The following CLUH variants were observed in gnomAD, a reference collection of about 807,000 sequenced individuals.
CLUH encodes clustered mitochondria protein homolog.
CLUH carries 77 observed loss-of-function variants against 139.3 expected under a neutral mutation model. The observed-to-expected ratio is 0.55, with a 90% confidence interval of 0.46 to 0.67. CLUH has a LOEUF of 0.67. Among genes scored for constraint, CLUH ranks in the 30% least tolerant of loss-of-function variants. CLUH has a pLI of 0.00. For synonymous variants in CLUH, 999 were observed against 801.6 expected, an observed-to-expected ratio of 1.25 and a Z score of -4.16; for missense variants, 1,876 against 1,875.8, an observed-to-expected ratio of 1.00 and a Z score of 0.00.
At chr17:2,702,234 AACACAC>A (rs369377324) in intron 3 of CLUH, among the ~76,000 whole-genome samples, 177 bp from the exon 4 acceptor site, 16 of 151,120 alleles carry the variant, frequency 1.1e-4, no homozygotes, top group African/African-American at 3.6e-4. Flanking sequence ...TGACACCACA[AACACAC>A]ACACACACAC....
In CLUH at chr17:2,693,141, C is replaced by A. The variant is rs866311190; in HGVS notation, c.3232-281G>T. Among the ~76,000 whole-genome samples the A allele has an allele frequency of 4.6e-3, 342 of 73,722 alleles. No homozygotes were observed. The highest frequency in any genetic ancestry group is 9.4e-3 in the South Asian group (12 of 1,270). The allele number at this position is 73,722 out of a possible 152,430, so 48.4% of individuals were successfully genotyped here. A position where few individuals can be genotyped will look rare whatever the true frequency, so the allele number is the denominator to read the frequency against. On this transcript the variant is annotated intron_variant, in intron 19 of 25. Transcript: ENST00000651024. Reference sequence around the variant, plus strand: ...AAACCTAAAACTACTAAAAATGTTACAAAAAAAAAAAAAAAGCCTGAGCAG... The same window carrying A: ...AAACCTAAAACTACTAAAAATGTTAAAAAAAAAAAAAAAAAGCCTGAGCAG...
At chr17:2,711,946 G>A (rs2070534825), upstream of CLUH, 1 of 152,262 alleles carries the variant, frequency 6.6e-6, no homozygotes, top group South Asian at 2.1e-4. Context: ...CAAGGCCCAG[G>A]GAGGCTGGGC....
chr17:2,692,333 CT>C, intron 22 of CLUH, 27 bp downstream of exon 22: 1 of 1,527,376 alleles, frequency 6.5e-7, no homozygotes, highest in Non-Finnish European at 8.8e-7. Context: ...CTCCGCCGGC[CT>C]TGGCGTTTGG....
At position 2,692,052 on chromosome 17, in the gene CLUH, C is replaced by T. The variant is rs750557640; in HGVS notation, c.3606G>A (p.Arg1202=). 6 of 1,604,270 alleles carry T rather than the reference C, an allele frequency of 3.7e-6. No individual in the cohort carries two copies. The highest frequency in any genetic ancestry group is 2.2e-5 in the South Asian group (2 of 89,840). ...CCTCCTTCTCGTGCTGCAGGGCCGA[C>T]CGGAACTCAGCTTTGCTCTCGTAGA... The part of the protein sequence containing the change: ...ARVYESKAEF[R]SALQHEKEGY... Residue 1202 remains arginine (R), a synonymous_variant, in exon 23 of 26, where the codon CGG becomes CGA. Coordinates refer to ENST00000651024, the MANE Select transcript of CLUH (RefSeq NM_001366661.1).
In CLUH at chr17:2,691,886, C is replaced by G. The variant is rs201361018; in HGVS notation, c.3664G>C (p.Asp1222His). The G allele has an allele frequency of 7.1e-4, 1,089 of 1,537,002 alleles. 3 individuals carry two copies. Among genetic ancestry groups the G allele is most frequent in the Non-Finnish European group, 8.9e-4 (1,021 of 1,143,798 alleles). The change falls in exon 24 of 26, where the codon GAC (aspartate) becomes CAC (histidine). Residue 1222 changes from aspartate to histidine, a missense_variant. Physicochemically the swap from Asp to His is moderately conservative, Grantham distance 81. This residue lies in a region of CLUH where 1,454 missense variants were observed against 1,384.4 expected (regional missense o/e 1.05). Coordinates refer to ENST00000651024, the MANE Select transcript of CLUH (RefSeq NM_001366661.1). ...GAGCTTTCCTTGGTCTTCTCATGGTCCTCGCCCAGCTGCGGGGAGGCGGGA... is the reference window on the plus strand; with the variant it reads ...GAGCTTTCCTTGGTCTTCTCATGGTGCTCGCCCAGCTGCGGGGAGGCGGGA... ...YTIYKTQLGE[D>H]HEKTKESSEY...
Position 2,704,306 on chromosome 17 carries a change from C to A in CLUH, c.303+56G>T. 6.4e-7 allele frequency: 1 copy of A among 1,550,632 alleles called. No homozygotes were observed. The highest frequency in any genetic ancestry group is 8.8e-7 in the Non-Finnish European group (1 of 1,141,730). ...GCACGAGCAAGGCTGAGCTTTCCAG[C>A]TCACCCTCCCCAGCAGGCTCAGGCC... On this transcript the variant is annotated intron_variant, in intron 2 of 25. Coordinates refer to ENST00000651024, the MANE Select transcript of CLUH (RefSeq NM_001366661.1). This position sits in a 1 kb window ranked among gnomAD's most constrained non-coding sequence, Gnocchi z 5.7.
chr17:2,698,650 T>G, intron 9 of CLUH, 60 bp from the exon 10 acceptor site: 1 of 1,454,902 alleles, frequency 6.9e-7, no homozygotes, highest in Non-Finnish European at 9.2e-7. Flanking sequence ...TGCATCCACC[T>G]GGCCAAGCGC....
At chr17:2,697,874 GT>G (rs1407803627) in intron 10 of CLUH, 21 bp downstream of exon 10, 1 of 1,457,208 alleles carries the variant, frequency 6.9e-7, no homozygotes, top group Admixed American at 2.5e-5. Context: ...CCCGGCCCTG[GT>G]CCGGCAGGGC....
Position 2,698,120 on chromosome 17 carries a change from C to A in CLUH, c.1737G>T (p.Glu579Asp). 1 of 1,596,070 alleles carries A rather than the reference C, an allele frequency of 6.3e-7. No individual in the cohort carries two copies. The highest frequency in any genetic ancestry group is 8.5e-7 in the Non-Finnish European group (1 of 1,172,714). The stretch of plus-strand genomic sequence containing the variant: ...CGACCGAGGAGCAGAGCTCCACCTC[C>A]TCGTCACGGTCGTTGAGCACCTGGT... ...LRHQVLNDRD[E>D]EVELCSSVEC... Residue 579 changes from glutamate to aspartate, a missense_variant, in exon 10 of 26, where the codon GAG (glutamate) becomes GAT (aspartate). This residue lies in a region of CLUH where 1,454 missense variants were observed against 1,384.4 expected (regional missense o/e 1.05). Coordinates refer to ENST00000651024, the MANE Select transcript of CLUH (RefSeq NM_001366661.1).
chr17:2,695,678 T>C (rs1050597920), intron 13 of CLUH, 152 bp from the exon 14 acceptor site: 14 of 1,072,230 alleles, frequency 1.3e-5, no homozygotes, highest in Non-Finnish European at 1.7e-5. Context: ...GCCCAGCCTC[T>C]GGCAGGAGCG....
rs2069577424 is a variant in CLUH, at chr17:2,690,467, T to TG, written c.*126dup. ...CCAGGCTCCCAGGAGGACACGGGGG[T>TG]GGGGTGGGGTGAGACGTGGAGGAAG... On this transcript the variant is annotated 3_prime_UTR_variant, in exon 26 of 26. Coordinates refer to ENST00000651024, the MANE Select transcript of CLUH (RefSeq NM_001366661.1). 5.1e-6 allele frequency: 4 copies of TG among 790,272 alleles called. No individual in the cohort carries two copies. The East Asian group carries it at 1.3e-4, about 27-fold the overall frequency. 49.0% of individuals were successfully genotyped at this position (790,272 alleles called of 1,614,324 possible).
At chr17:2,710,779 T>C (rs1295572769) in intron 1 of CLUH, among the ~76,000 whole-genome samples, 2 of 152,070 alleles carry the variant, frequency 1.3e-5, no homozygotes, top group Non-Finnish European at 2.9e-5. Flanking sequence ...CGCTGGGAGC[T>C]TGACTCCACA....
rs1404467638 is a variant in CLUH at position 2,698,579 on chromosome 17, G to C, written c.1278C>G (p.Asp426Glu). The change falls in exon 10 of 26, where the codon GAC (aspartate) becomes GAG (glutamate). Residue 426 changes from aspartate to glutamate, a missense_variant. Transcript: ENST00000651024. ...RERAIFKVHS[D>E]FTAAATRGAM... ...CGCCCCTGGTGGCTGCCGCGGTGAA[G>C]TCGCTGTGCACCTGGCGGGGGTCGA... is the stretch of plus-strand genomic sequence containing the variant. The C allele has an allele frequency of 6.2e-7, 1 of 1,603,914 alleles. No homozygotes were observed. The highest frequency in any genetic ancestry group is 8.5e-7 in the Non-Finnish European group (1 of 1,174,904).
Position 2,691,690 on chromosome 17 carries a change from G to T in CLUH, c.3790-8C>A, listed in dbSNP as rs372109448. 6.2e-7 allele frequency: 1 copy of T among 1,611,734 alleles called. No individual in the cohort carries two copies. The highest frequency in any genetic ancestry group is 1.1e-5 in the South Asian group (1 of 90,786). On this transcript the variant is annotated splice_region_variant and splice_polypyrimidine_tract_variant and intron_variant, in intron 24 of 25. Coordinates refer to ENST00000651024, the MANE Select transcript of CLUH (RefSeq NM_001366661.1). ...CATGCTGGGGGCCGTGAACTGCGGGGCGGGGAAACCAGCGGTGAGCGGGGC... is the reference window on the plus strand; with the variant it reads ...CATGCTGGGGGCCGTGAACTGCGGGTCGGGGAAACCAGCGGTGAGCGGGGC...
In CLUH at chr17:2,691,939, GGCCCCGCCCCC is replaced by G. The variant is rs750551996; in HGVS notation, c.3654+54_3655-45del. 1.5e-4 allele frequency: 157 copies of G among 1,061,520 alleles called. 2 individuals carry two copies. Among genetic ancestry groups the G allele is most frequent in the South Asian group, 4.8e-4 (18 of 37,510 alleles). The allele number at this position is 1,061,520 out of a possible 1,614,324, so 65.8% of individuals were successfully genotyped here. A position where few individuals can be genotyped will look rare whatever the true frequency, so the allele number is the denominator to read the frequency against. ...GGATCAGGCCCCCCCGTGCCCCCGC[GGCCCCGCCCCC>G]GCCCCGCCACGCCCCCGCCCCGCCC... On this transcript the variant is annotated intron_variant, in intron 23 of 25. Transcript: ENST00000651024.
chr17:2,693,778 T>C, intron 19 of CLUH, 122 bp downstream of exon 19: 2 of 1,285,414 alleles, frequency 1.6e-6, no homozygotes, highest in Non-Finnish European at 2.1e-6. Context: ...AGGGGTGGCC[T>C]GGGCAGAACC....
chr17:2,707,909 G>C lies in CLUH; in HGVS notation c.101-3345C>G. The C allele has an allele frequency of 2.0e-6, 2 of 985,440 alleles. No homozygotes were observed. Among genetic ancestry groups the C allele is most frequent in the Non-Finnish European group, 2.4e-6 (2 of 829,918 alleles). The allele number at this position is 985,440 out of a possible 1,614,324, so 61.0% of individuals were successfully genotyped here. On this transcript the variant is annotated intron_variant, in intron 1 of 25. Transcript: ENST00000651024. The surrounding 1 kb of genome is among the most constrained non-coding windows in gnomAD (Gnocchi z 7.4). ...TGGAAGGGAGGGGGATGGGCCCCCAGCTTCCCAGAGGACAACTGCACCCGT... is the reference window on the plus strand; with the variant it reads ...TGGAAGGGAGGGGGATGGGCCCCCACCTTCCCAGAGGACAACTGCACCCGT...
In CLUH at chr17:2,700,231, C is replaced by T. The variant is rs2070123968; in HGVS notation, c.1266+151G>A. On this transcript the variant is annotated intron_variant, in intron 9 of 25. Transcript: ENST00000651024. ...GGTCTGCTGGGAGGCGGAAGGCTAG[C>T]AGACCCTGCGGGAGACGCTGACTGG... 5 of 665,382 alleles carry T rather than the reference C, an allele frequency of 7.5e-6. No individual in the cohort carries two copies. The East Asian group carries it at 1.4e-4, about 18-fold the overall frequency. The allele number at this position is 665,382 out of a possible 1,614,324, so 41.2% of individuals were successfully genotyped here. A position where few individuals can be genotyped will look rare whatever the true frequency, so the allele number is the denominator to read the frequency against.
chr17:2,707,132 C>T lies in CLUH; in HGVS notation c.101-2568G>A. The stretch of plus-strand genomic sequence containing the variant: ...CCTGGATGAAGGCTGAGCGATCTCC[C>T]CCGCAGGCAGCTGGCTGGCTCACCA... On this transcript the variant is annotated intron_variant, in intron 1 of 25. Transcript: ENST00000651024. This position sits in a 1 kb window ranked among gnomAD's most constrained non-coding sequence, Gnocchi z 7.4. 3.1e-6 allele frequency: 3 copies of T among 975,498 alleles called. No individual in the cohort carries two copies. The highest frequency in any genetic ancestry group is 3.7e-6 in the Non-Finnish European group (3 of 820,894). 60.4% of individuals were successfully genotyped at this position (975,498 alleles called of 1,614,324 possible). A position where few individuals can be genotyped will look rare whatever the true frequency, so the allele number is the denominator to read the frequency against.
Sources: gnomAD v4.1 joint callset for allele counts (sites outside exome capture counted in the v4.1 genomes callset) on GRCh38, gnomAD v4.1.1 for gene constraint, gnomAD v4.1.1 regional missense constraint, Gnocchi (gnomAD v3.1) non-coding constraint, MANE v1.5 for transcripts, NCBI Gene and HGNC (gene_info 2026-07-23, HGNC 2026-07-21) for gene names.